ESPNL: variants seen among roughly 807,000 people sequenced by gnomAD.
The protein encoded by ESPNL is espin like, also known as espin-like protein.
ESPNL carries 49 observed loss-of-function variants against 46.8 expected under a neutral mutation model. The ratio of observed to expected loss-of-function variants is 1.05; its 90% CI spans 0.83 to 1.33. The LOEUF (loss-of-function observed/expected upper bound fraction) is 1.33, where lower values mean the gene tolerates loss of function less well. ESPNL is among the 40% of genes most tolerant of loss of function. The pLI, the probability that ESPNL is intolerant of heterozygous loss-of-function variation, is 0.00. For missense variants in ESPNL, 1,540 were observed against 1,436.6 expected (o/e 1.07, Z -1.16); for synonymous variants, 664 against 662.1 (o/e 1.00, Z -0.04).
intron 2 of ESPNL, among the ~76,000 whole-genome samples, chr2:238,102,562 AGCT>A (rs1289327777): frequency 2.0e-5 from 3 of 152,098 alleles, no homozygotes; most frequent in Non-Finnish European, 4.4e-5. Flanking sequence ...CAGAGGCTGG[AGCT>A]GCCTCTGCAC....
intron 5 of ESPNL, among the ~76,000 whole-genome samples, chr2:238,118,966 G>GATGGAGGAGGGTTA (rs1392430946): frequency 7.1e-6 from 1 of 141,406 alleles, no homozygotes; most frequent in Admixed American, 7.0e-5. Context: ...GAGGAGGGTG[G>GATGGAGGAGGGTTA]ATGGAGGAGG....
At chr2:238,126,295 T>C (rs1421802805) in intron 6 of ESPNL, among the ~76,000 whole-genome samples, 1 of 152,066 alleles carries the variant, frequency 6.6e-6, no homozygotes, top group Non-Finnish European at 1.5e-5. Context: ...TGTGTTTCTG[T>C]GCATGATTGT....
intron 4 of ESPNL, among the ~76,000 whole-genome samples, chr2:238,109,286 T>C (rs1280795366): frequency 6.6e-6 from 1 of 152,130 alleles, no homozygotes; most frequent in East Asian, 1.9e-4. Flanking sequence ...GCCCAAGAAG[T>C]TTAATAAATC....
chr2:238,122,871 T>C (rs987745588), intron 5 of ESPNL, among the ~76,000 whole-genome samples: 2 of 152,234 alleles, frequency 1.3e-5, no homozygotes, highest in African/African-American at 4.8e-5. Context: ...ACACCACTTG[T>C]GTCTGGCTTT....
Position 238,130,624 on chromosome 2 carries a change from C to A in ESPNL, c.1910C>A (p.Pro637His). The change falls in exon 9 of 9, where the codon CCT becomes CAT. Residue 637 changes from proline to histidine, a missense_variant. Physicochemically the swap from Pro to His is moderately conservative, Grantham distance 77. Transcript: ENST00000343063. ...TGCAGGGAGGCCTCGGCCAGCCCCCCTCGGAGCGAGGCCCAGCGCCAGATC... is the reference window on the plus strand; with the variant it reads ...TGCAGGGAGGCCTCGGCCAGCCCCCATCGGAGCGAGGCCCAGCGCCAGATC... The part of the protein sequence containing the change: ...DTCREASASP[P>H]RSEAQRQIQE... 6.4e-7 allele frequency: 1 copy of A among 1,562,744 alleles called. No homozygotes were observed.
intron 5 of ESPNL, among the ~76,000 whole-genome samples, chr2:238,122,042 C>G (rs1252148732): frequency 6.6e-6 from 1 of 152,274 alleles, no homozygotes; most frequent in African/African-American, 2.4e-5. Flanking sequence ...ATGCATGCAG[C>G]CTCCGCGGTG....
Position 238,131,916 on chromosome 2 carries a change from A to T in ESPNL, c.*184A>T. 3.1e-6 allele frequency: 2 copies of T among 650,662 alleles called. No individual in the cohort carries two copies. The highest frequency in any genetic ancestry group is 2.5e-6 in the Non-Finnish European group (1 of 393,064). 40.3% of individuals were successfully genotyped at this position (650,662 alleles called of 1,614,324 possible). ...GGTTCTCCTCCGAGCTGGGACTCAG[A>T]CTCCTTCTCACCACTGCACCCAGGA... On this transcript the variant is annotated 3_prime_UTR_variant, in exon 9 of 9. Transcript: ENST00000343063.
In ESPNL at chr2:238,131,487, C is replaced by G. The variant is rs754251362; in HGVS notation, c.2773C>G (p.Arg925Gly). The G allele has an allele frequency of 1.2e-6, 2 of 1,611,812 alleles. No homozygotes were observed. Among genetic ancestry groups the G allele is most frequent in the East Asian group, 2.2e-5 (1 of 44,846 alleles). Reference protein sequence around the residue: ...WTDGFEDIKARFFGSSQRPAW... With the variant: ...WTDGFEDIKAGFFGSSQRPAW... ...CGACGGCTTCGAGGACATCAAAGCC[C>G]GCTTCTTTGGCTCCAGCCAGCGTCC... The change falls in exon 9 of 9, where the codon CGC (arginine) becomes GGC (glycine). Residue 925 changes from arginine to glycine, a missense_variant. Coordinates refer to ENST00000343063, the MANE Select transcript of ESPNL (RefSeq NM_194312.4).
chr2:238,113,833 C>G (rs944134872), intron 4 of ESPNL, among the ~76,000 whole-genome samples: 1 of 152,146 alleles, frequency 6.6e-6, no homozygotes, highest in African/African-American at 2.4e-5. Context: ...TCCCCTGAGG[C>G]TGCGGGAGGA....
At chr2:238,119,233 G>A (rs1691917961) in intron 5 of ESPNL, among the ~76,000 whole-genome samples, 1 of 136,872 alleles carries the variant, frequency 7.3e-6, no homozygotes, top group African/African-American at 2.8e-5. Context: ...AAGGAAGAGG[G>A]TGGATGGAAG....
At chr2:238,124,708 CAGGAGAGTACGTGCATGT>C (rs1692063400) in intron 5 of ESPNL, among the ~76,000 whole-genome samples, 1 of 132,640 alleles carries the variant, frequency 7.5e-6, no homozygotes, top group African/African-American at 3.0e-5. Context: ...CATGTGTGTG[CAGGAGAGTACGTGCATGT>C]GTGCAGGAGA....
chr2:238,110,086 C>T (rs1691684398), intron 4 of ESPNL, among the ~76,000 whole-genome samples: 1 of 150,774 alleles, frequency 6.6e-6, no homozygotes, highest in Admixed American at 6.6e-5. Context: ...CCGAGTGTCC[C>T]TTTTCTGTCC....
chr2:238,124,020 G>A (rs1692044077), intron 5 of ESPNL, among the ~76,000 whole-genome samples: 1 of 152,246 alleles, frequency 6.6e-6, no homozygotes, highest in African/African-American at 2.4e-5. Flanking sequence ...CTTCACTGCA[G>A]TCCGGCCCCG....
At position 238,131,128 on chromosome 2, in the gene ESPNL, C is replaced by T. The variant is rs1253331803; in HGVS notation, c.2414C>T (p.Thr805Ile). The T allele has an allele frequency of 1.3e-6, 2 of 1,545,646 alleles. No homozygotes were observed. Among genetic ancestry groups the T allele is most frequent in the Admixed American group, 2.0e-5 (1 of 51,108 alleles). ...CTGTGGCAGCAGCGCAGCACCATCACCCACCTGCTGGGCAACTGGAAGGCC... is the reference window on the plus strand; with the variant it reads ...CTGTGGCAGCAGCGCAGCACCATCATCCACCTGCTGGGCAACTGGAAGGCC... The part of the protein sequence containing the change: ...GHLWQQRSTI[T>I]HLLGNWKAIM... The change falls in exon 9 of 9, where the codon ACC becomes ATC. Residue 805 changes from threonine (T) to isoleucine (I), a missense_variant. Physicochemically the swap from Thr to Ile is moderately conservative, Grantham distance 89. Coordinates refer to ENST00000343063, the MANE Select transcript of ESPNL (RefSeq NM_194312.4).
At chr2:238,126,815 C>G (rs555816891) in intron 6 of ESPNL, among the ~76,000 whole-genome samples, 3 of 147,280 alleles carry the variant, frequency 2.0e-5, no homozygotes, top group Admixed American at 2.0e-4. Flanking sequence ...TGTTCTGTGT[C>G]TGTGTGTTTC....
At chr2:238,101,000 C>T (rs568587603) in intron 1 of ESPNL, among the ~76,000 whole-genome samples, 48 of 152,366 alleles carry the variant, frequency 3.2e-4, no homozygotes, top group Middle Eastern at 3.4e-3. Flanking sequence ...TGTCTCTGAT[C>T]AGGCCTGGTC....
chr2:238,120,152 C>T (rs961400463), intron 5 of ESPNL, among the ~76,000 whole-genome samples: 2 of 152,184 alleles, frequency 1.3e-5, no homozygotes, highest in Non-Finnish European at 2.9e-5. Flanking sequence ...TCTGGCTTGG[C>T]TGAGAAGGTG....
chr2:238,117,012 A>G lies in ESPNL; in HGVS notation c.965A>G (p.Tyr322Cys). 6.2e-7 allele frequency: 1 copy of G among 1,611,522 alleles called. No homozygotes were observed. The highest frequency in any genetic ancestry group is 1.1e-5 in the South Asian group (1 of 90,894). ...EYHGHRDCAQYLREVAQPVPL... is the reference protein window; with the variant it reads ...EYHGHRDCAQCLREVAQPVPL... The stretch of plus-strand genomic sequence containing the variant: ...CATGGACACCGGGACTGCGCCCAGT[A>G]CCTGCGGGAGGTGGCCCAGCCGGTA... Residue 322 changes from tyrosine (Y) to cysteine (C), a missense_variant, in exon 5 of 9, where the codon TAC becomes TGC. Transcript: ENST00000343063.
intron 2 of ESPNL, 117 bp from the exon 3 acceptor site, chr2:238,104,539 T>G: frequency 2.6e-6 from 3 of 1,170,082 alleles, no homozygotes; most frequent in East Asian, 2.8e-5. Context: ...CTGGAAAGCA[T>G]GTGGGAAACT....
Sources: gnomAD v4.1 joint callset for allele counts (sites outside exome capture counted in the v4.1 genomes callset) on GRCh38, gnomAD v4.1.1 for gene constraint, MANE v1.5 for transcripts, NCBI Gene and HGNC (gene_info 2026-07-23, HGNC 2026-07-21) for gene names.